Variants in TPD52 observed in about 807,000 individuals in gnomAD.
TPD52 encodes prostate and colon associated protein.
TPD52 carries 17 observed loss-of-function variants against 31.3 expected under a neutral mutation model. The ratio of observed to expected loss-of-function variants is 0.54; its 90% CI spans 0.37 to 0.82. TPD52 has a LOEUF of 0.82. Ranked by LOEUF, TPD52 falls within the 40% of genes least tolerant of loss-of-function variation. The probability of loss-of-function intolerance (pLI) is 0.00; values close to 1 mark genes in which losing one functional copy is unlikely to be tolerated. For synonymous variants in TPD52, 83 were observed against 89.6 expected, an observed-to-expected ratio of 0.93 and a Z score of 0.42; for missense variants, 212 against 240.1, an observed-to-expected ratio of 0.88 and a Z score of 0.77.
At chr8:80,051,962 A>C (rs967322240) in intron 3 of TPD52, 5 of 222,640 alleles carry the variant, frequency 2.2e-5, no homozygotes, top group African/African-American at 1.1e-4. Flanking sequence ...ACTCATACCT[A>C]TTGTTCTTTT....
At chr8:80,068,026 T>C (rs1396133481) in intron 1 of TPD52, among the ~76,000 whole-genome samples, 1 of 150,786 alleles carries the variant, frequency 6.6e-6, no homozygotes, top group Non-Finnish European at 1.5e-5. Context: ...TTGAAAACCA[T>C]AATCCAAAAC....
intron 1 of TPD52, among the ~76,000 whole-genome samples, chr8:80,094,397 G>A (rs1383094409): frequency 7.5e-6 from 1 of 132,718 alleles, no homozygotes; most frequent in Non-Finnish European, 1.6e-5. Flanking sequence ...GTTAGATGTG[G>A]CCATGTGACT....
intron 1 of TPD52, among the ~76,000 whole-genome samples, chr8:80,088,581 A>G (rs1012318429): frequency 3.3e-5 from 5 of 152,118 alleles, no homozygotes; most frequent in Admixed American, 1.3e-4. Context: ...CCCTGTCTGA[A>G]GCTGGACTGC....
chr8:80,091,356 CT>C (rs1473801606), intron 1 of TPD52, among the ~76,000 whole-genome samples: 2 of 151,888 alleles, frequency 1.3e-5, no homozygotes, highest in African/African-American at 2.4e-5. Context: ...GTAGTCCCAG[CT>C]ACTTGGGAGG....
intron 1 of TPD52, among the ~76,000 whole-genome samples, chr8:80,091,046 C>A (rs1816216521): frequency 6.6e-6 from 1 of 152,236 alleles, no homozygotes; most frequent in South Asian, 2.1e-4. Context: ...CATAAGATGT[C>A]ATTCCCTCTC....
intron 2 of TPD52, among the ~76,000 whole-genome samples, chr8:80,062,755 G>A (rs1249366681): frequency 6.6e-6 from 1 of 152,102 alleles, no homozygotes; most frequent in African/African-American, 2.4e-5. Flanking sequence ...GTGAGGCCAG[G>A]AGTTTGAAAC....
intron 2 of TPD52, among the ~76,000 whole-genome samples, chr8:80,057,151 G>C (rs1393585725): frequency 6.6e-6 from 1 of 152,136 alleles, no homozygotes; most frequent in African/African-American, 2.4e-5. Context: ...CTGGGCAACA[G>C]AGCAAGACTC....
chr8:80,037,920 C>T lies in TPD52; in HGVS notation c.*196G>A. On this transcript the variant is annotated 3_prime_UTR_variant, in exon 8 of 8. Coordinates refer to ENST00000518937, the MANE Select transcript of TPD52 (RefSeq NM_001025253.3). ...TCCTAAATAAAGGAACATAAATGTA[C>T]ACTAAAGGGTGTTTCCCAAGAATAG... 3.4e-6 allele frequency: 2 copies of T among 591,628 alleles called. No homozygotes were observed. The highest frequency in any genetic ancestry group is 5.6e-6 in the Non-Finnish European group (2 of 359,214). The allele number at this position is 591,628 out of a possible 1,614,324, so 36.6% of individuals were successfully genotyped here.
chr8:80,032,417 C>T (rs1422785533), downstream of TPD52, among the ~76,000 whole-genome samples: 1 of 152,122 alleles, frequency 6.6e-6, no homozygotes, highest in African/African-American at 2.4e-5. Flanking sequence ...TTATTAAATA[C>T]AGGCCTGGCT....
intron 1 of TPD52, among the ~76,000 whole-genome samples, chr8:80,085,902 A>G (rs1413349702): frequency 6.6e-6 from 1 of 152,116 alleles, no homozygotes; most frequent in African/African-American, 2.4e-5. Flanking sequence ...CAAGTGTAGT[A>G]ACAGTATAAT....
At chr8:80,050,639 CA>C (rs1415830085) in intron 4 of TPD52, among the ~76,000 whole-genome samples, 168 bp from the exon 5 acceptor site, 1 of 152,064 alleles carries the variant, frequency 6.6e-6, no homozygotes, top group Non-Finnish European at 1.5e-5. Flanking sequence ...ACATAATTGT[CA>C]AAAGAGTTCA....
At chr8:80,034,418 A>G (rs184164140), downstream of TPD52, among the ~76,000 whole-genome samples, 1 of 151,378 alleles carries the variant, frequency 6.6e-6, no homozygotes, top group East Asian at 2.0e-4. Context: ...AGAGCCTGCA[A>G]CCCCCCAGCC....
chr8:80,112,768 T>C (rs1309960291), intron 1 of TPD52, among the ~76,000 whole-genome samples: 2 of 152,098 alleles, frequency 1.3e-5, no homozygotes, highest in Non-Finnish European at 2.9e-5. Flanking sequence ...CATTCAACAA[T>C]ATTCGACCTG....
At chr8:80,095,862 C>T (rs953165694) in intron 1 of TPD52, among the ~76,000 whole-genome samples, 3 of 152,174 alleles carry the variant, frequency 2.0e-5, no homozygotes, top group South Asian at 2.1e-4. Flanking sequence ...GCAGGAGAAT[C>T]GCTTGAACCC....
Position 80,152,286 on chromosome 8 carries a change from G to C in TPD52, c.19+19139C>G, listed in dbSNP as rs185953928. Among the ~76,000 whole-genome samples the C allele has an allele frequency of 2.1e-3, 319 of 152,244 alleles. 2 individuals carry two copies. Among genetic ancestry groups the C allele is most frequent in the African/African-American group, 7.2e-3 (301 of 41,532 alleles). ...ATATCCTCAGCAGGAGGATGAAGAA[G>C]CCAGGCCAACCCTTGATAGTACCTG... On this transcript the variant is annotated intron_variant, in intron 1 of 7. Coordinates refer to ENST00000518937, the MANE Select transcript of TPD52 (RefSeq NM_001025253.3).
intron 1 of TPD52, among the ~76,000 whole-genome samples, chr8:80,082,442 C>T (rs1457479837): frequency 1.3e-5 from 2 of 152,110 alleles, no homozygotes; most frequent in African/African-American, 2.4e-5. Flanking sequence ...TTACTTGTTC[C>T]ACCACCTAGA....
rs1012823617 is a variant in TPD52, at chr8:80,051,236, C to G, written c.386+291G>C. On this transcript the variant is annotated intron_variant, in intron 4 of 7. Coordinates refer to ENST00000518937, the MANE Select transcript of TPD52 (RefSeq NM_001025253.3). ...TCTGCCCACAATCACAAATTTGCAA[C>G]CAAAGACATACTTACCCTGCATGAT... is the stretch of plus-strand genomic sequence containing the variant. 3 of 419,232 alleles carry G rather than the reference C, an allele frequency of 7.2e-6. No homozygotes were observed. In the Admixed American group the frequency reaches 1.2e-4, roughly 17 times the overall value. 26.0% of individuals were successfully genotyped at this position (419,232 alleles called of 1,614,324 possible).
intron 1 of TPD52, among the ~76,000 whole-genome samples, chr8:80,103,142 C>A (rs1806866378): frequency 6.6e-6 from 1 of 152,136 alleles, no homozygotes; most frequent in South Asian, 2.1e-4. Context: ...CACTCTCCAG[C>A]AAACTGATCA....
chr8:80,118,660 A>G (rs545851867), intron 1 of TPD52, among the ~76,000 whole-genome samples: 3 of 152,256 alleles, frequency 2.0e-5, no homozygotes, highest in South Asian at 4.1e-4. Flanking sequence ...CACATGGTCA[A>G]TTAGCACACA....
Sources: allele counts gnomAD v4.1 joint callset (sites outside exome capture counted in the v4.1 genomes callset), GRCh38; gene constraint gnomAD v4.1.1; transcripts MANE v1.5; gene names NCBI Gene and HGNC (gene_info 2026-07-23, HGNC 2026-07-21).